The following SEZ6L variants were observed in gnomAD, a reference collection of about 807,000 sequenced individuals.
The protein encoded by SEZ6L is seizure 6-like protein.
A neutral mutation model predicts 106.2 loss-of-function variants in SEZ6L; 37 were observed. The ratio of observed to expected loss-of-function variants is 0.35; its 90% CI spans 0.27 to 0.46. The LOEUF (loss-of-function observed/expected upper bound fraction) is 0.46, where lower values mean the gene tolerates loss of function less well. SEZ6L is among the 20% of genes least tolerant of loss of function. The pLI is 1.00. For missense variants in SEZ6L, 1,172 were observed against 1,332.8 expected, an observed-to-expected ratio of 0.88 and a Z score of 1.88; for synonymous variants, 541 against 570.4, an observed-to-expected ratio of 0.95 and a Z score of 0.73.
chr22:26,175,436 C>T (rs534227590), intron 1 of SEZ6L, among the ~76,000 whole-genome samples: 11 of 152,070 alleles, frequency 7.2e-5, no homozygotes, highest in Admixed American at 3.3e-4. Flanking sequence ...ATCCTTGGTG[C>T]CTTCCAAGCT....
intron 1 of SEZ6L, among the ~76,000 whole-genome samples, chr22:26,258,809 G>A (rs2079907480): frequency 6.6e-6 from 1 of 152,192 alleles, no homozygotes; most frequent in Non-Finnish European, 1.5e-5. Flanking sequence ...TAGACTTGAA[G>A]GGCCTTATAC....
intron 13 of SEZ6L, 152 bp from the exon 14 acceptor site, chr22:26,373,299 C>T (rs539769304): frequency 1.6e-6 from 1 of 637,934 alleles, no homozygotes; most frequent in African/African-American, 1.8e-5. Flanking sequence ...CAGGCACGTT[C>T]ACTGATTATA....
intron 1 of SEZ6L, among the ~76,000 whole-genome samples, chr22:26,216,199 C>G (rs1226420190): frequency 6.6e-6 from 1 of 152,150 alleles, no homozygotes; most frequent in Non-Finnish European, 1.5e-5. Flanking sequence ...GGACCTTGCG[C>G]AGTCCCACGT....
At chr22:26,245,768 G>C (rs192995231) in intron 1 of SEZ6L, among the ~76,000 whole-genome samples, 6 of 152,262 alleles carry the variant, frequency 3.9e-5, no homozygotes, top group Non-Finnish European at 5.9e-5. Context: ...GTTCTTATGT[G>C]TCAGATGGGG....
At chr22:26,222,858 C>A (rs746768294) in intron 1 of SEZ6L, among the ~76,000 whole-genome samples, 4 of 152,046 alleles carry the variant, frequency 2.6e-5, no homozygotes, top group Non-Finnish European at 5.9e-5. Flanking sequence ...ATTTTGCCCA[C>A]CAGGAGATAT....
chr22:26,258,330 T>C (rs1408008300), intron 1 of SEZ6L, among the ~76,000 whole-genome samples: 1 of 152,208 alleles, frequency 6.6e-6, no homozygotes, highest in Non-Finnish European at 1.5e-5. Flanking sequence ...GACATGTGAA[T>C]GGTTACAGGA....
chr22:26,188,255 A>ATC (rs768961301), intron 1 of SEZ6L, among the ~76,000 whole-genome samples: 23 of 152,232 alleles, frequency 1.5e-4, no homozygotes, highest in Admixed American at 7.9e-4. Flanking sequence ...GTAACAAACC[A>ATC]TCCCTGAAAT....
chr22:26,302,075 TA>T (rs1022857826), intron 5 of SEZ6L, among the ~76,000 whole-genome samples: 1 of 152,192 alleles, frequency 6.6e-6, no homozygotes, highest in Non-Finnish European at 1.5e-5. Flanking sequence ...CTCAGGGAGA[TA>T]AGATTACCAC....
intron 1 of SEZ6L, among the ~76,000 whole-genome samples, chr22:26,226,004 C>G (rs2078623892): frequency 6.6e-6 from 1 of 152,218 alleles, no homozygotes; most frequent in South Asian, 2.1e-4. Flanking sequence ...CCATCCATCT[C>G]CAAGTCCTGA....
chr22:26,347,531 G>A (rs917664533), intron 10 of SEZ6L, among the ~76,000 whole-genome samples, 188 bp from the exon 11 acceptor site: 6 of 152,062 alleles, frequency 3.9e-5, no homozygotes, highest in African/African-American at 9.7e-5. Context: ...GAGTTCAGGG[G>A]CCCACAGAGA....
chr22:26,236,756 G>T (rs1427601292), intron 1 of SEZ6L, among the ~76,000 whole-genome samples: 1 of 152,130 alleles, frequency 6.6e-6, no homozygotes, highest in African/African-American at 2.4e-5. Flanking sequence ...TAGCTAAAAA[G>T]GTCAGGTTTT....
chr22:26,177,867 C>T (rs960124052), intron 1 of SEZ6L, among the ~76,000 whole-genome samples: 1 of 152,024 alleles, frequency 6.6e-6, no homozygotes, highest in African/African-American at 2.4e-5. Flanking sequence ...CAATCCTCTC[C>T]CTGATATTTT....
chr22:26,234,351 G>T (rs1171979560), intron 1 of SEZ6L, among the ~76,000 whole-genome samples: 2 of 152,236 alleles, frequency 1.3e-5, no homozygotes, highest in Admixed American at 1.3e-4. Context: ...GGCCAGCAGA[G>T]AGAGGGGAAC....
chr22:26,315,238 G>C (rs957622554), intron 9 of SEZ6L, among the ~76,000 whole-genome samples: 1 of 152,146 alleles, frequency 6.6e-6, no homozygotes, highest in East Asian at 1.9e-4. Context: ...CCAACACTTC[G>C]GGAGGTTGAG....
At chr22:26,297,972 C>A (rs148212850) in intron 4 of SEZ6L, among the ~76,000 whole-genome samples, 2 of 152,184 alleles carry the variant, frequency 1.3e-5, no homozygotes, top group African/African-American at 2.4e-5. Context: ...GCTGAAACAT[C>A]TGAATGGAAA....
intron 1 of SEZ6L, among the ~76,000 whole-genome samples, chr22:26,186,087 C>T (rs73879846): frequency 2.5e-4 from 38 of 152,046 alleles, no homozygotes; most frequent in African/African-American, 7.7e-4. Flanking sequence ...TGCCGCACAC[C>T]GGGGACAGCC....
At chr22:26,188,058 T>C (rs563229953) in intron 1 of SEZ6L, among the ~76,000 whole-genome samples, 21 of 152,298 alleles carry the variant, frequency 1.4e-4, no homozygotes, top group African/African-American at 4.3e-4. Context: ...AAATGTATCA[T>C]GTAGAGAAGA....
chr22:26,189,893 C>T (rs1159494582), intron 1 of SEZ6L, among the ~76,000 whole-genome samples: 6 of 152,014 alleles, frequency 3.9e-5, no homozygotes, highest in Non-Finnish European at 7.4e-5. Flanking sequence ...GTCAGGAGAT[C>T]GAGACCATCC....
chr22:26,227,741 G>A (rs534852262), intron 1 of SEZ6L, among the ~76,000 whole-genome samples: 2 of 152,298 alleles, frequency 1.3e-5, no homozygotes, highest in East Asian at 3.9e-4. Flanking sequence ...ACGATTATGA[G>A]TGATTGGGTC....
Sources: gnomAD v4.1 joint callset for allele counts (sites outside exome capture counted in the v4.1 genomes callset) on GRCh38, gnomAD v4.1.1 for gene constraint, MANE v1.5 for transcripts, NCBI Gene and HGNC (gene_info 2026-07-23, HGNC 2026-07-21) for gene names.